HIPK1: variants seen among roughly 807,000 people sequenced by gnomAD.
HIPK1 encodes homeodomain interacting protein kinase 1, also known as homeodomain-interacting protein kinase 1.
HIPK1 carries 28 observed loss-of-function variants against 117.1 expected under a neutral mutation model. That is an observed-to-expected ratio of 0.24 (90% CI 0.18 to 0.33). HIPK1 has a LOEUF of 0.33. HIPK1 is among the 10% of genes least tolerant of loss of function. The pLI is 1.00. For synonymous variants in HIPK1, 605 were observed against 562.5 expected, an observed-to-expected ratio of 1.08 and a Z score of -1.07; for missense variants, 1,122 against 1,475.1, an observed-to-expected ratio of 0.76 and a Z score of 3.92.
intron 2 of HIPK1, among the ~76,000 whole-genome samples, chr1:113,944,923 C>T (rs1670890154): frequency 6.6e-6 from 1 of 152,196 alleles, no homozygotes; most frequent in Admixed American, 6.5e-5. Flanking sequence ...TCATGGCTTA[C>T]TGCAGCCATG....
chr1:113,943,155 C>T (rs1334521088), intron 2 of HIPK1, among the ~76,000 whole-genome samples: 1 of 152,186 alleles, frequency 6.6e-6, no homozygotes, highest in African/African-American at 2.4e-5. Flanking sequence ...GTGTTAAGTA[C>T]ATTCATAGTG....
intron 1 of HIPK1, among the ~76,000 whole-genome samples, chr1:113,932,817 A>G (rs1429606383): frequency 1.3e-5 from 2 of 151,250 alleles, no homozygotes; most frequent in Non-Finnish European, 2.9e-5. Flanking sequence ...ACGGTTTTTT[A>G]TTTTTCCACA....
chr1:113,963,575 T>C, intron 10 of HIPK1, 54 bp downstream of exon 10: 1 of 1,552,184 alleles, frequency 6.4e-7, no homozygotes. Context: ...GTTTCTTTCT[T>C]TTTTGTTTTT....
intron 2 of HIPK1, among the ~76,000 whole-genome samples, chr1:113,942,125 A>C (rs1206705507): frequency 2.0e-5 from 3 of 150,642 alleles, no homozygotes; most frequent in Admixed American, 2.0e-4. Flanking sequence ...GTGGTGTGAC[A>C]TTGACTCACG....
At chr1:113,933,670 G>T (rs1558122402) in intron 1 of HIPK1, among the ~76,000 whole-genome samples, 1 of 152,094 alleles carries the variant, frequency 6.6e-6, no homozygotes, top group Non-Finnish European at 1.5e-5. Context: ...TCTGAGACCA[G>T]CCTGAGCAAC....
At chr1:113,970,347 A>C in intron 14 of HIPK1, 150 bp downstream of exon 14, 5 of 808,660 alleles carry the variant, frequency 6.2e-6, no homozygotes, top group Middle Eastern at 2.7e-4. Context: ...TCCCTGCACA[A>C]TGTGAAATTA....
rs1672951598 is a variant in HIPK1 at position 113,973,138 on chromosome 1, G to A, written c.3259G>A (p.Gly1087Ser). 6.2e-7 allele frequency: 1 copy of A among 1,600,168 alleles called. No homozygotes were observed. Among genetic ancestry groups the A allele is most frequent in the Non-Finnish European group, 8.5e-7 (1 of 1,173,018 alleles). ...CCAAGCCCCCTACACCTTCCAGCAT[G>A]GCAGCCCGCTACACTCGACAGGGCA... Reference protein sequence around the residue: ...LSQAPYTFQHGSPLHSTGHPH... With the variant: ...LSQAPYTFQHSSPLHSTGHPH... The change falls in exon 16 of 16, where the codon GGC (glycine) becomes AGC (serine). Residue 1087 changes from glycine to serine, a missense_variant. Around this residue, in one of 6 missense-constraint regions of HIPK1, gnomAD observed 731 missense variants for 860.4 expected, o/e 0.85. Transcript: ENST00000426820.
At chr1:113,935,496 G>A (rs11580207) in intron 1 of HIPK1, among the ~76,000 whole-genome samples, 33,796 of 152,146 alleles carry the variant, frequency 0.22, 4,297 homozygotes, top group Non-Finnish European at 0.3. Flanking sequence ...ACATATGCTT[G>A]TGTCTTTGTG....
intron 1 of HIPK1, chr1:113,930,561 C>T (rs764608248): frequency 1.3e-5 from 2 of 152,558 alleles, no homozygotes; most frequent in Admixed American, 1.3e-4. Flanking sequence ...GCTGCCACCA[C>T]TTTCAAAGCT....
intron 15 of HIPK1, among the ~76,000 whole-genome samples, chr1:113,972,633 G>T (rs892296903): frequency 6.6e-6 from 1 of 152,154 alleles, no homozygotes; most frequent in Non-Finnish European, 1.5e-5. Flanking sequence ...TTCAAGAGGG[G>T]TATGAAGAAC....
intron 2 of HIPK1, among the ~76,000 whole-genome samples, chr1:113,944,017 T>C (rs1357828516): frequency 6.6e-6 from 1 of 152,076 alleles, no homozygotes; most frequent in Non-Finnish European, 1.5e-5. Flanking sequence ...GACAGTGTTT[T>C]GAGGGTCTCA....
Position 113,967,912 on chromosome 1 carries a change from C to G in HIPK1, c.2528C>G (p.Ser843Trp), listed in dbSNP as rs200123911. Residue 843 changes from serine to tryptophan, a missense_variant, in exon 12 of 16, where the codon TCG becomes TGG. Coordinates refer to ENST00000426820, the MANE Select transcript of HIPK1 (RefSeq NM_198268.3). ...VRQQQSSSLP[S>W]KKNKQSAPVS... ...CAACAACAATCCAGTTCCCTCCCTT[C>G]GAAGAAGAATAAGCAGTCAGCTCCA... 12 of 1,609,320 alleles carry G rather than the reference C, an allele frequency of 7.5e-6. No homozygotes were observed. The highest frequency in any genetic ancestry group is 1.0e-5 in the Non-Finnish European group (12 of 1,178,902).
intron 2 of HIPK1, 111 bp from the exon 3 acceptor site, chr1:113,952,655 T>C (rs950758634): frequency 4.4e-5 from 35 of 800,636 alleles, no homozygotes; most frequent in Non-Finnish European, 5.5e-5. Flanking sequence ...TTTTTCCATT[T>C]CATTGAATAA....
chr1:113,936,834 T>A (rs1255303196), intron 1 of HIPK1, among the ~76,000 whole-genome samples: 1 of 152,256 alleles, frequency 6.6e-6, no homozygotes, highest in Admixed American at 6.5e-5. Context: ...CTATTTAGAT[T>A]CTTTCACTAA....
chr1:113,934,850 C>T (rs984521549), intron 1 of HIPK1, among the ~76,000 whole-genome samples: 1 of 147,706 alleles, frequency 6.8e-6, no homozygotes, highest in Non-Finnish European at 1.5e-5. Context: ...ATTAGCCAAG[C>T]GTCCTGGTGT....
intron 1 of HIPK1, chr1:113,933,187 C>T: frequency 1.0e-6 from 1 of 985,276 alleles, no homozygotes; most frequent in Non-Finnish European, 1.2e-6. Context: ...TACAAAGCAA[C>T]AGCCTCTGCC....
intron 1 of HIPK1, among the ~76,000 whole-genome samples, chr1:113,940,152 A>T (rs2101164372): frequency 6.6e-6 from 1 of 152,106 alleles, no homozygotes; most frequent in South Asian, 2.1e-4. Context: ...AATTGAATGC[A>T]TTTTATGTAT....
chr1:113,954,403 A>G (rs1418687701), intron 3 of HIPK1, among the ~76,000 whole-genome samples: 1 of 152,246 alleles, frequency 6.6e-6, no homozygotes. Flanking sequence ...GATTTGAAGT[A>G]TTAGAAGTCA....
chr1:113,929,743 G>A, intron 1 of HIPK1: 1 of 871,866 alleles, frequency 1.1e-6, no homozygotes, highest in South Asian at 3.3e-5. Flanking sequence ...AAGGGGCTGG[G>A]TGGTGGAGCG....
Sources: allele counts gnomAD v4.1 joint callset (sites outside exome capture counted in the v4.1 genomes callset), GRCh38; gene constraint gnomAD v4.1.1; regional missense constraint gnomAD v4.1.1; transcripts MANE v1.5; gene names NCBI Gene and HGNC (gene_info 2026-07-23, HGNC 2026-07-21).